The following SAMD12 variants were observed in gnomAD, a reference collection of about 807,000 sequenced individuals.
SAMD12 encodes sterile alpha motif domain-containing protein 12.
Under a neutral mutation model 15.0 loss-of-function variants are expected in SAMD12, and 9 were observed. The ratio of observed to expected loss-of-function variants is 0.60; its 90% CI spans 0.36 to 1.05. SAMD12 has a LOEUF of 1.05. SAMD12 is among the 50% of genes least tolerant of loss of function. The pLI is 0.01. For missense variants in SAMD12, 230 were observed against 234.2 expected (o/e 0.98, Z 0.12); for synonymous variants, 86 against 90.1 (o/e 0.96, Z 0.25).
At chr8:118,183,016 G>A in the SAMD12 span, among the ~76,000 whole-genome samples, 2 of 152,170 alleles carry the variant, frequency 1.3e-5, no homozygotes, top group Admixed American at 1.3e-4. Context: ...GATACTCTTA[G>A]AAGCATCAAA....
chr8:118,384,611 C>T (rs548136991), intron 3 of SAMD12, among the ~76,000 whole-genome samples: 65 of 152,208 alleles, frequency 4.3e-4, no homozygotes, highest in Non-Finnish European at 8.2e-4. Flanking sequence ...GCACCATTTC[C>T]GAGCAAGAAA....
chr8:118,298,379 G>A (rs1814836067), intron 4 of SAMD12, among the ~76,000 whole-genome samples: 2 of 152,146 alleles, frequency 1.3e-5, no homozygotes, highest in South Asian at 4.1e-4. Flanking sequence ...CATATACAAT[G>A]TTATGAACAT....
At chr8:118,228,263 A>T (rs1812227633) in intron 4 of SAMD12, among the ~76,000 whole-genome samples, 1 of 152,232 alleles carries the variant, frequency 6.6e-6, no homozygotes, top group African/African-American at 2.4e-5. Context: ...AAATGCAATG[A>T]AAACAAAGAT....
intron 4 of SAMD12, among the ~76,000 whole-genome samples, chr8:118,330,245 CACAGG>C (rs1816751832): frequency 6.6e-6 from 1 of 152,188 alleles, no homozygotes; most frequent in South Asian, 2.1e-4. Flanking sequence ...GATATGGAGA[CACAGG>C]CCTTGATGCA....
At chr8:118,569,628 G>A (rs1466988138) in intron 2 of SAMD12, among the ~76,000 whole-genome samples, 2 of 152,250 alleles carry the variant, frequency 1.3e-5, no homozygotes, top group Admixed American at 1.3e-4. Context: ...AGGGCCCCAT[G>A]ATGAGAATGG....
intron 2 of SAMD12, among the ~76,000 whole-genome samples, chr8:118,550,537 A>T (rs942434376): frequency 2.0e-5 from 3 of 152,210 alleles, no homozygotes; most frequent in African/African-American, 7.2e-5. Flanking sequence ...AGCACTAAAC[A>T]TGGAAAGGAA....
intron 3 of SAMD12, among the ~76,000 whole-genome samples, chr8:118,437,130 G>C (rs1239323965): frequency 1.3e-5 from 2 of 152,064 alleles, no homozygotes; most frequent in African/African-American, 4.8e-5. Context: ...AAGAGTATTG[G>C]GATTCCCACA....
At chr8:118,409,385 GT>G (rs34599417) in intron 3 of SAMD12, among the ~76,000 whole-genome samples, 26,638 of 149,950 alleles carry the variant, frequency 0.18, 2,564 homozygotes, top group African/African-American at 0.22. Flanking sequence ...TGTCATTCTG[GT>G]TTTTAAGGAT....
chr8:118,303,251 G>A (rs1227841585), intron 4 of SAMD12, among the ~76,000 whole-genome samples: 1 of 152,204 alleles, frequency 6.6e-6, no homozygotes, highest in Non-Finnish European at 1.5e-5. Context: ...TAGACACGTT[G>A]TGCCAATTTC....
At chr8:118,428,493 A>G (rs1822304521) in intron 3 of SAMD12, among the ~76,000 whole-genome samples, 1 of 152,224 alleles carries the variant, frequency 6.6e-6, no homozygotes, top group South Asian at 2.1e-4. Context: ...AGGTGCTTCC[A>G]GGGACATATA....
chr8:118,435,166 C>T (rs1397546047), intron 3 of SAMD12, among the ~76,000 whole-genome samples: 8 of 152,090 alleles, frequency 5.3e-5, no homozygotes, highest in Admixed American at 2.6e-4. Flanking sequence ...CAGCAGCCCC[C>T]TTAGCTACGG....
At chr8:118,537,817 G>C (rs1470019909) in intron 2 of SAMD12, among the ~76,000 whole-genome samples, 1 of 152,076 alleles carries the variant, frequency 6.6e-6, no homozygotes, top group Non-Finnish European at 1.5e-5. Context: ...TCCTTACTTA[G>C]TCCTTTTGTT....
chr8:118,213,044 C>T (rs1456644697), intron 4 of SAMD12, among the ~76,000 whole-genome samples: 1 of 152,090 alleles, frequency 6.6e-6, no homozygotes, highest in Admixed American at 6.6e-5. Flanking sequence ...GGAGGCTGGA[C>T]CTCATCTTTT....
chr8:118,369,966 G>C (rs752261849), intron 4 of SAMD12, among the ~76,000 whole-genome samples: 6 of 152,122 alleles, frequency 3.9e-5, no homozygotes, highest in Non-Finnish European at 7.4e-5. Flanking sequence ...ACTATCATCA[G>C]AGTGAACAGA....
intron 4 of SAMD12, among the ~76,000 whole-genome samples, chr8:118,215,452 T>C (rs936133500): frequency 1.5e-5 from 2 of 137,092 alleles, no homozygotes; most frequent in African/African-American, 5.2e-5. Context: ...AGAAAAATAG[T>C]TGTCATTGAG....
At chr8:118,535,567 A>C (rs1825816086) in intron 2 of SAMD12, among the ~76,000 whole-genome samples, 1 of 152,238 alleles carries the variant, frequency 6.6e-6, no homozygotes, top group African/African-American at 2.4e-5. Context: ...AGAGGCAGGC[A>C]GACCTCCTTG....
intron 4 of SAMD12, among the ~76,000 whole-genome samples, chr8:118,240,431 T>G (rs954932730): frequency 6.6e-6 from 1 of 152,186 alleles, no homozygotes; most frequent in East Asian, 1.9e-4. Flanking sequence ...AAATTCATTT[T>G]TGGAGTCAGA....
At chr8:118,494,292 T>C (rs1482728383) in intron 2 of SAMD12, among the ~76,000 whole-genome samples, 1 of 152,222 alleles carries the variant, frequency 6.6e-6, no homozygotes, top group East Asian at 1.9e-4. Context: ...TATAAGACCA[T>C]TTTGGACTTC....
At chr8:118,152,736 C>T in the SAMD12 span, among the ~76,000 whole-genome samples, 2 of 152,070 alleles carry the variant, frequency 1.3e-5, no homozygotes, top group African/African-American at 4.8e-5. Flanking sequence ...TGGGCTCAAG[C>T]AGTTCACCCC....
Sources: allele counts gnomAD v4.1 joint callset (sites outside exome capture counted in the v4.1 genomes callset), GRCh38; gene constraint gnomAD v4.1.1; transcripts MANE v1.5; gene names NCBI Gene and HGNC (gene_info 2026-07-23, HGNC 2026-07-21).